The following ARHGAP24 variants were observed in gnomAD, a reference collection of about 807,000 sequenced individuals.
ARHGAP24 encodes rho GTPase-activating protein 24.
In ARHGAP24, 50 loss-of-function variants were observed where a neutral mutation model predicts 76.4. The observed-to-expected ratio is 0.65, with a 90% CI of 0.52 to 0.83. The LOEUF (loss-of-function observed/expected upper bound fraction) is 0.83, where lower values mean the gene tolerates loss of function less well. ARHGAP24 is among the 40% of genes least tolerant of loss of function. The pLI is 0.00. For missense variants in ARHGAP24, 930 were observed against 914.2 expected (o/e 1.02, Z -0.22); for synonymous variants, 345 against 323.3 (o/e 1.07, Z -0.72).
chr4:85,914,973 C>A (rs1049858767), intron 3 of ARHGAP24, among the ~76,000 whole-genome samples: 3 of 152,130 alleles, frequency 2.0e-5, no homozygotes, highest in African/African-American at 7.2e-5. Context: ...CCAACCTAAA[C>A]CAAACTAAAT....
chr4:85,751,653 T>C (rs1726269904), intron 3 of ARHGAP24, among the ~76,000 whole-genome samples: 1 of 152,232 alleles, frequency 6.6e-6, no homozygotes, highest in South Asian at 2.1e-4. Flanking sequence ...GAAAACAGTG[T>C]GGATTGTAAA....
intron 5 of ARHGAP24, among the ~76,000 whole-genome samples, chr4:85,949,640 G>A (rs745733292): frequency 6.6e-6 from 1 of 152,154 alleles, no homozygotes; most frequent in Non-Finnish European, 1.5e-5. Context: ...GAAGCTACAA[G>A]ACCTTTAAGG....
intron 3 of ARHGAP24, among the ~76,000 whole-genome samples, chr4:85,867,663 T>C (rs1220522893): frequency 6.6e-6 from 1 of 151,716 alleles, no homozygotes. Flanking sequence ...TCAGCTCCCC[T>C]TCTTTTTTGG....
chr4:85,698,475 T>G (rs953353900), intron 2 of ARHGAP24, among the ~76,000 whole-genome samples: 1 of 152,234 alleles, frequency 6.6e-6, no homozygotes, highest in East Asian at 1.9e-4. Context: ...TAAATTGTAT[T>G]TGAACATGGA....
At chr4:85,719,318 G>A (rs1006165867) in intron 2 of ARHGAP24, among the ~76,000 whole-genome samples, 2 of 152,080 alleles carry the variant, frequency 1.3e-5, no homozygotes, top group Non-Finnish European at 2.9e-5. Flanking sequence ...AGCAGGAAAA[G>A]GTACTTCCTG....
intron 3 of ARHGAP24, among the ~76,000 whole-genome samples, chr4:85,872,263 A>G (rs1275874989): frequency 1.3e-5 from 2 of 151,892 alleles, no homozygotes; most frequent in African/African-American, 2.4e-5. Flanking sequence ...CAACGCGTTG[A>G]TATAGAAATA....
At chr4:85,687,478 C>A (rs1188777445) in intron 2 of ARHGAP24, among the ~76,000 whole-genome samples, 2 of 152,132 alleles carry the variant, frequency 1.3e-5, no homozygotes, top group Non-Finnish European at 2.9e-5. Context: ...TATTTGTCCA[C>A]CTGTGCTAAA....
intron 2 of ARHGAP24, among the ~76,000 whole-genome samples, chr4:85,577,336 A>C (rs552836624): frequency 6.6e-6 from 1 of 152,068 alleles, no homozygotes; most frequent in South Asian, 2.1e-4. Flanking sequence ...AGTTTGCTTC[A>C]AACAACTATT....
At chr4:85,924,131 G>A (rs1735888108) in intron 4 of ARHGAP24, among the ~76,000 whole-genome samples, 1 of 152,002 alleles carries the variant, frequency 6.6e-6, no homozygotes, top group African/African-American at 2.4e-5. Context: ...ATGACTAGTG[G>A]TTCTGGAAGA....
intron 2 of ARHGAP24, among the ~76,000 whole-genome samples, chr4:85,708,879 T>TAC (rs1480503142): frequency 6.6e-6 from 1 of 152,222 alleles, no homozygotes; most frequent in Non-Finnish European, 1.5e-5. Context: ...TATAGAGTCC[T>TAC]ACAGTTTACA....
chr4:85,527,157 T>G (rs1725039737), intron 1 of ARHGAP24, among the ~76,000 whole-genome samples: 1 of 152,140 alleles, frequency 6.6e-6, no homozygotes, highest in Non-Finnish European at 1.5e-5. Flanking sequence ...GAAGAAGGAA[T>G]AGTTCAAGGG....
chr4:85,862,165 C>T (rs1362076452), intron 3 of ARHGAP24, among the ~76,000 whole-genome samples: 1 of 151,928 alleles, frequency 6.6e-6, no homozygotes, highest in Non-Finnish European at 1.5e-5. Flanking sequence ...TAAAGAAAAA[C>T]TTCAACCAAA....
At position 85,694,663 on chromosome 4, in the gene ARHGAP24, C is replaced by G. The variant is rs149453818; in HGVS notation, c.181-27222C>G. 4.5e-3 allele frequency among the ~76,000 whole-genome samples: 685 copies of G among 151,464 alleles called. 3 individuals are homozygous for G. The highest frequency in any genetic ancestry group is 0.016 in the African/African-American group (647 of 41,314). ...GACTTTCCCTCGGCCCCTCCACCCT[C>G]TGTGTGTGTGTGTGTATATGTGTTT... is the stretch of plus-strand genomic sequence containing the variant. On this transcript the variant is annotated intron_variant, in intron 2 of 9. Coordinates refer to ENST00000395184, the MANE Select transcript of ARHGAP24 (RefSeq NM_001025616.3).
intron 2 of ARHGAP24, among the ~76,000 whole-genome samples, chr4:85,703,547 G>A (rs1724182755): frequency 6.6e-6 from 1 of 152,102 alleles, no homozygotes; most frequent in African/African-American, 2.4e-5. Context: ...CCTCAAGAAT[G>A]AGATTTGTGC....
intron 3 of ARHGAP24, among the ~76,000 whole-genome samples, chr4:85,866,380 G>A (rs925412206): frequency 6.6e-6 from 1 of 152,146 alleles, no homozygotes; most frequent in South Asian, 2.1e-4. Context: ...CCTTAAAGGG[G>A]CATTTCCTTG....
chr4:85,705,669 T>C (rs548937237), intron 2 of ARHGAP24, among the ~76,000 whole-genome samples: 141 of 152,296 alleles, frequency 9.3e-4, no homozygotes, highest in African/African-American at 3.1e-3. Context: ...CTGTATTTTA[T>C]AGATGAAGAG....
intron 1 of ARHGAP24, among the ~76,000 whole-genome samples, chr4:85,545,784 G>A (rs1412043366): frequency 6.6e-6 from 1 of 152,174 alleles, no homozygotes; most frequent in Admixed American, 6.5e-5. Flanking sequence ...ACATGTATAT[G>A]ATATGTATTA....
intron 1 of ARHGAP24, among the ~76,000 whole-genome samples, chr4:85,485,395 ATATATATATATATATATATC>A (rs1489166198): frequency 1.6e-4 from 19 of 121,066 alleles, no homozygotes; most frequent in African/African-American, 5.1e-4. Flanking sequence ...ATATATATAT[ATATATATATATATATATATC>A]TCCTTGGATT....
At chr4:85,796,203 T>TACACAC (rs10658115) in intron 3 of ARHGAP24, among the ~76,000 whole-genome samples, 8 of 150,704 alleles carry the variant, frequency 5.3e-5, no homozygotes, top group Non-Finnish European at 1.0e-4. Context: ...TTATACCTAC[T>TACACAC]ACACACACAC....
Sources: gnomAD v4.1 joint callset for allele counts (sites outside exome capture counted in the v4.1 genomes callset) on GRCh38, gnomAD v4.1.1 for gene constraint, MANE v1.5 for transcripts, NCBI Gene and HGNC (gene_info 2026-07-23, HGNC 2026-07-21) for gene names.